The following SNTB1 variants were observed in gnomAD, a reference collection of about 807,000 sequenced individuals.
The protein encoded by SNTB1 is beta-1-syntrophin.
Under a neutral mutation model 48.9 loss-of-function variants are expected in SNTB1, and 36 were observed. The ratio of observed to expected loss-of-function variants is 0.74; its 90% CI spans 0.56 to 0.97. The LOEUF (loss-of-function observed/expected upper bound fraction) is 0.97. Among genes scored for constraint, SNTB1 ranks in the 50% least tolerant of loss-of-function variants. The probability of loss-of-function intolerance (pLI) is 0.00; values close to 1 mark genes in which losing one functional copy is unlikely to be tolerated. For synonymous variants in SNTB1, 299 were observed against 294.6 expected (o/e 1.01, Z -0.15); for missense variants, 786 against 703.4 (o/e 1.12, Z -1.33).
intron 2 of SNTB1, among the ~76,000 whole-genome samples, chr8:120,669,132 A>G (rs142087484): frequency 2.5e-4 from 38 of 152,334 alleles, no homozygotes; most frequent in African/African-American, 7.9e-4. Context: ...TTGACCTTTC[A>G]TGAGTTGGAG....
At chr8:120,542,586 A>G (rs1815306635) in intron 5 of SNTB1, among the ~76,000 whole-genome samples, 1 of 152,106 alleles carries the variant, frequency 6.6e-6, no homozygotes, top group South Asian at 2.1e-4. Flanking sequence ...CTTGGGAGGC[A>G]GAGGTTGCAG....
intron 1 of SNTB1, among the ~76,000 whole-genome samples, chr8:120,722,809 T>C (rs1378380131): frequency 6.6e-6 from 1 of 152,190 alleles, no homozygotes; most frequent in Non-Finnish European, 1.5e-5. Flanking sequence ...AGACATGAAG[T>C]CCTTGCCCAT....
At chr8:120,671,931 C>G (rs781767558) in intron 2 of SNTB1, among the ~76,000 whole-genome samples, 16 of 152,100 alleles carry the variant, frequency 1.1e-4, no homozygotes, top group Non-Finnish European at 2.4e-4. Context: ...CAGATGGTCC[C>G]CAACTTATAG....
intron 3 of SNTB1, among the ~76,000 whole-genome samples, chr8:120,586,909 C>G (rs544536552): frequency 2.6e-5 from 4 of 152,102 alleles, no homozygotes; most frequent in African/African-American, 9.6e-5. Context: ...TTTTTATTTT[C>G]CTCTAGGTAA....
intron 3 of SNTB1, among the ~76,000 whole-genome samples, chr8:120,586,832 T>C (rs960093949): frequency 6.6e-6 from 1 of 152,166 alleles, no homozygotes; most frequent in Non-Finnish European, 1.5e-5. Context: ...CTTCTAAAAA[T>C]GGGCAAATGG....
At chr8:120,637,153 T>C (rs79786511) in intron 2 of SNTB1, 3,838 of 316,516 alleles carry the variant, frequency 0.012, 142 homozygotes, top group African/African-American at 0.081. Flanking sequence ...TTAGTCCTGT[T>C]TGCATAAGCA....
intron 2 of SNTB1, among the ~76,000 whole-genome samples, chr8:120,658,228 G>T (rs898442196): frequency 2.6e-5 from 4 of 152,186 alleles, no homozygotes; most frequent in Non-Finnish European, 5.9e-5. Flanking sequence ...CCAAGAACCT[G>T]TTAACAGGAA....
At chr8:120,634,954 C>T (rs1817049737) in intron 2 of SNTB1, among the ~76,000 whole-genome samples, 1 of 151,846 alleles carries the variant, frequency 6.6e-6, no homozygotes, top group South Asian at 2.1e-4. Flanking sequence ...CAGGTTCACG[C>T]CATTCTCCTG....
chr8:120,728,158 TG>T (rs1228361714), intron 1 of SNTB1, among the ~76,000 whole-genome samples: 3 of 152,136 alleles, frequency 2.0e-5, no homozygotes, highest in Non-Finnish European at 4.4e-5. Flanking sequence ...TCTGAGTAGC[TG>T]GGACTACAGG....
intron 1 of SNTB1, among the ~76,000 whole-genome samples, chr8:120,806,361 T>C (rs1326572998): frequency 2.0e-5 from 3 of 152,358 alleles, no homozygotes; most frequent in South Asian, 2.1e-4. Flanking sequence ...CTCATCTTCA[T>C]GTGCAGCCGT....
chr8:120,604,103 GGAAGGT>G (rs1268415634), intron 3 of SNTB1, among the ~76,000 whole-genome samples: 1 of 152,174 alleles, frequency 6.6e-6, no homozygotes, highest in Non-Finnish European at 1.5e-5. Context: ...CAAATAAAGA[GGAAGGT>G]GTAAGTTGAG....
intron 3 of SNTB1, among the ~76,000 whole-genome samples, chr8:120,607,441 A>T (rs941630284): frequency 6.6e-6 from 1 of 151,862 alleles, no homozygotes; most frequent in African/African-American, 2.4e-5. Context: ...GTTTTAGGGT[A>T]CATGTGCACA....
chr8:120,547,974 T>A (rs1431112188), intron 5 of SNTB1, among the ~76,000 whole-genome samples: 1 of 152,192 alleles, frequency 6.6e-6, no homozygotes, highest in Non-Finnish European at 1.5e-5. Flanking sequence ...CATGTTGAAA[T>A]GTAATCCCCA....
chr8:120,655,801 C>T (rs1379171408), intron 2 of SNTB1, among the ~76,000 whole-genome samples: 2 of 152,204 alleles, frequency 1.3e-5, no homozygotes, highest in Non-Finnish European at 2.9e-5. Flanking sequence ...GACAGAACCA[C>T]TCACACTGAA....
intron 1 of SNTB1, among the ~76,000 whole-genome samples, chr8:120,716,888 C>T (rs1434474801): frequency 4.6e-5 from 7 of 152,152 alleles, no homozygotes; most frequent in Admixed American, 3.9e-4. Flanking sequence ...ATCTTGGTCT[C>T]TCTGAACAGA....
intron 1 of SNTB1, among the ~76,000 whole-genome samples, chr8:120,734,218 C>T (rs1169893710): frequency 6.6e-6 from 1 of 152,034 alleles, no homozygotes; most frequent in Non-Finnish European, 1.5e-5. Flanking sequence ...CCGAGGTGGG[C>T]AGATCACCTG....
chr8:120,765,788 A>G (rs1295085109), intron 1 of SNTB1: 6 of 152,218 alleles, frequency 3.9e-5, no homozygotes, highest in Admixed American at 3.9e-4. Flanking sequence ...GAGCACATTC[A>G]AGTCACAGCA....
intron 3 of SNTB1, among the ~76,000 whole-genome samples, chr8:120,585,709 C>A (rs1009503617): frequency 3.4e-5 from 5 of 148,872 alleles, no homozygotes; most frequent in Admixed American, 6.8e-5. Context: ...ATTCAGTTTG[C>A]ATGATTCTGT....
Position 120,785,524 on chromosome 8 carries a change from C to T in SNTB1, c.571+25749G>A, listed in dbSNP as rs78645153. 5.3e-4 allele frequency among the ~76,000 whole-genome samples: 81 copies of T among 152,354 alleles called. No homozygotes were observed. The East Asian group carries it at 0.014, about 27-fold the overall frequency. ...GAGGCAGCTGTGCTCCTCACTGGAA[C>T]ATTACTGCAGCAGCCTGAGAACTGC... On this transcript the variant is annotated intron_variant, in intron 1 of 6. Coordinates refer to ENST00000517992, the MANE Select transcript of SNTB1 (RefSeq NM_021021.4).
Sources: allele counts gnomAD v4.1 joint callset (sites outside exome capture counted in the v4.1 genomes callset), GRCh38; gene constraint gnomAD v4.1.1; transcripts MANE v1.5; gene names NCBI Gene and HGNC (gene_info 2026-07-23, HGNC 2026-07-21).